VPS50: variants seen among roughly 807,000 people sequenced by gnomAD.
The protein encoded by VPS50 is syndetin.
A neutral mutation model predicts 139.7 loss-of-function variants in VPS50; 70 were observed. That is an observed-to-expected ratio of 0.50 (90% confidence interval 0.41 to 0.61). VPS50 has a LOEUF of 0.61. VPS50 is among the 20% of genes least tolerant of loss of function. The probability of loss-of-function intolerance (pLI) is 0.00; values close to 1 mark genes in which losing one functional copy is unlikely to be tolerated. For missense variants in VPS50, 921 were observed against 1,133.7 expected (o/e 0.81, Z 2.69); for synonymous variants, 365 against 376.7 (o/e 0.97, Z 0.36).
chr7:93,271,199 TG>T lies in VPS50; in HGVS notation c.660-20del, dbSNP rs377632505. Reference sequence around the variant, plus strand: ...GTTTGTCTCAGAAATAGAAAAAAACTGTTTTTTTTTTTTTTAATAGTGAACT... The same window carrying T: ...GTTTGTCTCAGAAATAGAAAAAAACTTTTTTTTTTTTTTTAATAGTGAACT... On this transcript the variant is annotated intron_variant, in intron 9 of 27. Coordinates refer to ENST00000305866, the MANE Select transcript of VPS50 (RefSeq NM_017667.4). 5.8e-6 allele frequency: 9 copies of T among 1,556,606 alleles called. No individual in the cohort carries two copies. The highest frequency in any genetic ancestry group is 2.9e-5 in the African/African-American group (2 of 69,464).
At chr7:93,250,066 G>T (rs1388419268) in intron 2 of VPS50, among the ~76,000 whole-genome samples, 1 of 151,972 alleles carries the variant, frequency 6.6e-6, no homozygotes, top group Non-Finnish European at 1.5e-5. Flanking sequence ...TGATAGCTAT[G>T]TCATTGACCT....
chr7:93,309,976 C>T (rs987097110), intron 19 of VPS50, among the ~76,000 whole-genome samples: 5 of 151,818 alleles, frequency 3.3e-5, no homozygotes, highest in African/African-American at 7.3e-5. Context: ...GAGCAATTCA[C>T]GTAGTTGTAG....
At chr7:93,281,177 A>G (rs935878536) in intron 12 of VPS50, among the ~76,000 whole-genome samples, 1 of 152,212 alleles carries the variant, frequency 6.6e-6, no homozygotes, top group Non-Finnish European at 1.5e-5. Context: ...ATATTAGTAC[A>G]TCATAGACAA....
intron 13 of VPS50, among the ~76,000 whole-genome samples, chr7:93,292,388 C>T (rs1159904408): frequency 3.3e-5 from 5 of 151,996 alleles, no homozygotes; most frequent in East Asian, 3.9e-4. Flanking sequence ...ATAAAGAATA[C>T]GTCTTTGAAA....
Position 93,290,417 on chromosome 7 carries a change from C to CTT in VPS50, c.943-1271_943-1270dup, listed in dbSNP as rs36096738. Among the ~76,000 whole-genome samples the CTT allele has an allele frequency of 5.6e-3, 781 of 138,282 alleles. 3 individuals are homozygous for CTT. The highest frequency in any genetic ancestry group is 0.022 in the East Asian group (106 of 4,786). 90.7% of individuals were successfully genotyped at this position (138,282 alleles called of 152,430 possible). On this transcript the variant is annotated intron_variant, in intron 12 of 27. Coordinates refer to ENST00000305866, the MANE Select transcript of VPS50 (RefSeq NM_017667.4). ...AAACAGTAGTGGAGATAATGGGCAT[C>CTT]TTTTTTTTTTTTTTTTGTGACCACA...
intron 12 of VPS50, among the ~76,000 whole-genome samples, chr7:93,285,450 C>CA (rs1406043503): frequency 6.6e-6 from 1 of 152,118 alleles, no homozygotes; most frequent in African/African-American, 2.4e-5. Context: ...GAATAAAAAG[C>CA]AAAAGACTAG....
chr7:93,347,994 G>T (rs1286273338), intron 23 of VPS50, among the ~76,000 whole-genome samples: 2 of 148,088 alleles, frequency 1.4e-5, no homozygotes, highest in African/African-American at 4.9e-5. Flanking sequence ...TTAAAAAAAA[G>T]AAAAAAAAAA....
chr7:93,266,953 G>T (rs1364655861), intron 9 of VPS50, among the ~76,000 whole-genome samples: 1 of 152,066 alleles, frequency 6.6e-6, no homozygotes, highest in African/African-American at 2.4e-5. Flanking sequence ...TTTTATGTTT[G>T]TAGTCTTCCA....
In VPS50 at chr7:93,232,413, G is replaced by C. The variant is rs370533330; in HGVS notation, c.-55G>C. The C allele has an allele frequency of 1.1e-5, 16 of 1,490,832 alleles. No homozygotes were observed. The South Asian group carries it at 1.6e-4, about 15-fold the overall frequency. The allele number at this position is 1,490,832 out of a possible 1,614,324, so 92.4% of individuals were successfully genotyped here. On this transcript the variant is annotated 5_prime_UTR_variant, in exon 1 of 28. Coordinates refer to ENST00000305866, the MANE Select transcript of VPS50 (RefSeq NM_017667.4). ...TAGTGTCAGGGCCAGCTGTGTAGTGGCTCGGTGTGATTTGTTAGCTCTTTG... is the reference window on the plus strand; with the variant it reads ...TAGTGTCAGGGCCAGCTGTGTAGTGCCTCGGTGTGATTTGTTAGCTCTTTG...
intron 14 of VPS50, chr7:93,295,480 A>G (rs1245861366): frequency 6.6e-6 from 1 of 152,168 alleles, no homozygotes; most frequent in Non-Finnish European, 1.5e-5. Context: ...CATTCAGACC[A>G]TAGCAGTATC....
intron 3 of VPS50, 124 bp from the exon 4 acceptor site, chr7:93,253,736 G>A: frequency 1.8e-6 from 1 of 555,652 alleles, no homozygotes. Context: ...GGCATGGAGG[G>A]CAGTGGGATG....
At chr7:93,272,093 T>A (rs1013967533) in intron 10 of VPS50, among the ~76,000 whole-genome samples, 1 of 151,804 alleles carries the variant, frequency 6.6e-6, no homozygotes, top group African/African-American at 2.4e-5. Context: ...TTAATAGATA[T>A]TATTCTGTAT....
chr7:93,265,392 A>G (rs1470971202), intron 9 of VPS50, among the ~76,000 whole-genome samples: 1 of 152,140 alleles, frequency 6.6e-6, no homozygotes, highest in Non-Finnish European at 1.5e-5. Context: ...AAAGTAAACA[A>G]ACGGTTGTGG....
rs1189036104 is a variant in VPS50, at chr7:93,328,029, C to T, written c.1977+4297C>T. On this transcript the variant is annotated intron_variant, in intron 21 of 27. Transcript: ENST00000305866. ...GTATATACATTAGTTCAAAGGATTA[C>T]TCCTATTAATACTATTCCCTCCAGA... Among the ~76,000 whole-genome samples the T allele has an allele frequency of 2.0e-5, 3 of 152,168 alleles. No homozygotes were observed. The East Asian group carries it at 5.8e-4, about 29-fold the overall frequency.
intron 20 of VPS50, chr7:93,320,621 T>A (rs1044561566): frequency 6.6e-5 from 10 of 152,508 alleles, no homozygotes; most frequent in Non-Finnish European, 1.2e-4. Context: ...CGCCTCGGCC[T>A]CCCAAAGTGC....
chr7:93,263,954 G>A (rs1477155742), intron 9 of VPS50, among the ~76,000 whole-genome samples: 1 of 152,166 alleles, frequency 6.6e-6, no homozygotes, highest in African/African-American at 2.4e-5. Flanking sequence ...CATTTGCATT[G>A]TATTAGACAT....
intron 18 of VPS50, among the ~76,000 whole-genome samples, chr7:93,306,413 A>G (rs1029266756): frequency 1.3e-5 from 2 of 151,888 alleles, no homozygotes; most frequent in Non-Finnish European, 2.9e-5. Context: ...ATGTCCCTTT[A>G]TCTAAGAGAA....
At chr7:93,325,048 C>G (rs1797729194) in intron 21 of VPS50, among the ~76,000 whole-genome samples, 1 of 152,030 alleles carries the variant, frequency 6.6e-6, no homozygotes, top group Non-Finnish European at 1.5e-5. Flanking sequence ...TCAAACTATA[C>G]TACAAGGCTA....
chr7:93,326,459 A>AAAAAAT (rs1797781226), intron 21 of VPS50, among the ~76,000 whole-genome samples: 5 of 149,960 alleles, frequency 3.3e-5, no homozygotes, highest in Admixed American at 3.3e-4. Context: ...ATAATAAAAA[A>AAAAAAT]AAAATAAAAT....
Sources: gnomAD v4.1 joint callset for allele counts (sites outside exome capture counted in the v4.1 genomes callset) on GRCh38, gnomAD v4.1.1 for gene constraint, MANE v1.5 for transcripts, NCBI Gene and HGNC (gene_info 2026-07-23, HGNC 2026-07-21) for gene names.